TMEM245: variants seen among roughly 807,000 people sequenced by gnomAD.
TMEM245 encodes transmembrane protein 245.
Under a neutral mutation model 101.2 loss-of-function variants are expected in TMEM245, and 69 were observed. That is an observed-to-expected ratio of 0.68 (90% CI 0.56 to 0.83). The LOEUF (loss-of-function observed/expected upper bound fraction) is 0.83, where lower values mean the gene tolerates loss of function less well. Ranked by LOEUF, TMEM245 falls within the 40% of genes least tolerant of loss-of-function variation. The pLI is 0.00. For synonymous variants in TMEM245, 537 were observed against 449.8 expected (o/e 1.19, Z -2.45); for missense variants, 1,075 against 1,092.8 (o/e 0.98, Z 0.23).
At chr9:109,114,463 A>G (rs936083714) in intron 1 of TMEM245, among the ~76,000 whole-genome samples, 1 of 152,012 alleles carries the variant, frequency 6.6e-6, no homozygotes, top group African/African-American at 2.4e-5. Context: ...CCAACCCCTC[A>G]CTTTATGCAA....
intron 8 of TMEM245, among the ~76,000 whole-genome samples, chr9:109,078,235 T>C (rs1829571351): frequency 6.6e-6 from 1 of 152,214 alleles, no homozygotes; most frequent in Non-Finnish European, 1.5e-5. Flanking sequence ...ACATAGCTCA[T>C]CTATATATGT....
intron 3 of TMEM245, among the ~76,000 whole-genome samples, chr9:109,101,403 T>C (rs1455515143): frequency 6.6e-6 from 1 of 152,148 alleles, no homozygotes; most frequent in East Asian, 1.9e-4. Flanking sequence ...TATATTACAG[T>C]GACATCTACA....
rs2132639460 is a variant in TMEM245 at position 109,106,610 on chromosome 9, C to T, written c.698-1G>A. ...ATTCTCCATGAGCCAGCCAGGGATGCTGCAAATTATTAAGAATTAACATTT... is the reference window on the plus strand; with the variant it reads ...ATTCTCCATGAGCCAGCCAGGGATGTTGCAAATTATTAAGAATTAACATTT... On this transcript the variant is annotated splice_acceptor_variant, in intron 2 of 17. Coordinates refer to ENST00000374586, the MANE Select transcript of TMEM245 (RefSeq NM_032012.4). LOFTEE classifies it high-confidence loss of function. 2 of 1,600,816 alleles carry T rather than the reference C, an allele frequency of 1.2e-6. No homozygotes were observed. Among genetic ancestry groups the T allele is most frequent in the East Asian group, 4.5e-5 (2 of 44,718 alleles).
In TMEM245 at chr9:109,038,127, C is replaced by A. The variant is rs762486695; in HGVS notation, c.2124-10G>T. 6.2e-7 allele frequency: 1 copy of A among 1,602,786 alleles called. No homozygotes were observed. Among genetic ancestry groups the A allele is most frequent in the African/African-American group, 1.3e-5 (1 of 74,320 alleles). On this transcript the variant is annotated splice_polypyrimidine_tract_variant and intron_variant, in intron 14 of 17. Coordinates refer to ENST00000374586, the MANE Select transcript of TMEM245 (RefSeq NM_032012.4). Reference sequence around the variant, plus strand: ...AGCATCAAACACCCCTCTGGAATGCCCAAAGATAAAAAGAAAGAGTAAATA... The same window carrying A: ...AGCATCAAACACCCCTCTGGAATGCACAAAGATAAAAAGAAAGAGTAAATA...
chr9:109,086,198 G>A (rs1433671123), intron 6 of TMEM245, among the ~76,000 whole-genome samples, 178 bp from the exon 7 acceptor site: 3 of 152,192 alleles, frequency 2.0e-5, no homozygotes, highest in African/African-American at 7.2e-5. Context: ...ACGGAATGTA[G>A]TATTCCTTTA....
At chr9:109,073,127 A>G in intron 9 of TMEM245, 1 of 507,426 alleles carries the variant, frequency 2.0e-6, no homozygotes, top group Non-Finnish European at 3.6e-6. Flanking sequence ...AACCTCAATT[A>G]TAAAACAAAG....
At chr9:109,034,246 G>GA (rs963191838) in intron 16 of TMEM245, among the ~76,000 whole-genome samples, 1 of 152,206 alleles carries the variant, frequency 6.6e-6, no homozygotes, top group African/African-American at 2.4e-5. Context: ...ACAATTCAGT[G>GA]AGGGGCAAAT....
At chr9:109,054,040 A>G (rs373266042) in intron 12 of TMEM245, among the ~76,000 whole-genome samples, 43 of 152,272 alleles carry the variant, frequency 2.8e-4, no homozygotes, top group Admixed American at 1.8e-3. Flanking sequence ...AAATACAACA[A>G]TAATTATTGG....
At chr9:109,086,706 C>T (rs550727564) in intron 6 of TMEM245, among the ~76,000 whole-genome samples, 3 of 152,258 alleles carry the variant, frequency 2.0e-5, no homozygotes, top group Admixed American at 6.5e-5. Flanking sequence ...TAAATCTAAC[C>T]GCCATCTCTG....
intron 12 of TMEM245, among the ~76,000 whole-genome samples, chr9:109,055,569 A>G (rs991321303): frequency 2.0e-5 from 3 of 152,198 alleles, no homozygotes; most frequent in African/African-American, 7.2e-5. Flanking sequence ...ATGGTTCAGA[A>G]AAAAGAGCTA....
At chr9:109,055,030 C>T (rs760560685) in intron 12 of TMEM245, among the ~76,000 whole-genome samples, 2 of 152,184 alleles carry the variant, frequency 1.3e-5, no homozygotes, top group Non-Finnish European at 2.9e-5. Context: ...TGAGGGATTA[C>T]ATGGCAAAAC....
chr9:109,091,189 T>G, intron 4 of TMEM245, 34 bp from the exon 5 acceptor site: 1 of 1,567,830 alleles, frequency 6.4e-7, no homozygotes, highest in Non-Finnish European at 8.7e-7. Context: ...ACACACCGCA[T>G]TAGTCCACAT....
At chr9:109,112,407 AG>A (rs1201626852) in intron 1 of TMEM245, among the ~76,000 whole-genome samples, 1 of 151,906 alleles carries the variant, frequency 6.6e-6, no homozygotes, top group African/African-American at 2.4e-5. Flanking sequence ...CAGGTATGGT[AG>A]CATGTGCCTG....
intron 14 of TMEM245, among the ~76,000 whole-genome samples, chr9:109,040,624 C>T (rs1322692402): frequency 6.6e-6 from 1 of 152,144 alleles, no homozygotes; most frequent in Non-Finnish European, 1.5e-5. Flanking sequence ...GCAAAATATC[C>T]ATGGCACAAT....
intron 7 of TMEM245, among the ~76,000 whole-genome samples, chr9:109,083,223 C>T (rs7049112): frequency 1.3e-5 from 2 of 151,786 alleles, no homozygotes; most frequent in South Asian, 2.1e-4. Context: ...CCAACTCCCA[C>T]AAAGACTGAA....
At chr9:109,082,387 A>G (rs1829690645) in intron 7 of TMEM245, among the ~76,000 whole-genome samples, 1 of 152,234 alleles carries the variant, frequency 6.6e-6, no homozygotes, top group South Asian at 2.1e-4. Context: ...CAGATGTCAT[A>G]TTCTGAAGTT....
Position 109,064,460 on chromosome 9 carries a change from A to T in TMEM245, c.1623+17T>A. On this transcript the variant is annotated intron_variant, in intron 10 of 17. Transcript: ENST00000374586. ...ACCCTGAAAAGAGAAAGCCACAAAG[A>T]AAGTTTCTTCCCTTACCTTGTGAGT... 6.3e-7 allele frequency: 1 copy of T among 1,598,874 alleles called. No homozygotes were observed. The highest frequency in any genetic ancestry group is 8.5e-7 in the Non-Finnish European group (1 of 1,173,668).
intron 17 of TMEM245, among the ~76,000 whole-genome samples, chr9:109,029,173 A>C (rs867643129): frequency 1.5e-4 from 23 of 152,362 alleles, no homozygotes; most frequent in South Asian, 4.1e-4. Context: ...ATGGAGCCAA[A>C]AAGACACAAG....
rs542799910 is a variant in TMEM245, at chr9:109,119,889, C to A, written c.25G>T (p.Asp9Tyr). The A allele has an allele frequency of 3.1e-6, 4 of 1,274,462 alleles. No individual in the cohort carries two copies. Among genetic ancestry groups the A allele is most frequent in the African/African-American group, 1.5e-5 (1 of 64,580 alleles). The allele number at this position is 1,274,462 out of a possible 1,614,324, so 78.9% of individuals were successfully genotyped here. A position where few individuals can be genotyped will look rare whatever the true frequency, so the allele number is the denominator to read the frequency against. MADGGGPKDAPSLRSSPGP... is the reference protein window; with the variant it reads MADGGGPKYAPSLRSSPGP... ...GGAGAGCTCCGCAGGCTTGGCGCGT[C>A]CTTAGGGCCGCCGCCGTCGGCCATC... Residue 9 changes from aspartate (D) to tyrosine (Y), a missense_variant, in exon 1 of 18, where the codon GAC becomes TAC. Coordinates refer to ENST00000374586, the MANE Select transcript of TMEM245 (RefSeq NM_032012.4).
Sources: allele counts gnomAD v4.1 joint callset (sites outside exome capture counted in the v4.1 genomes callset), GRCh38; gene constraint gnomAD v4.1.1; transcripts MANE v1.5; gene names NCBI Gene and HGNC (gene_info 2026-07-23, HGNC 2026-07-21).